Variants in PARD3 observed in about 807,000 individuals in gnomAD.
The protein encoded by PARD3 is partitioning defective 3 homolog.
Under a neutral mutation model 155.4 loss-of-function variants are expected in PARD3, and 75 were observed. The observed-to-expected ratio is 0.48, with a 90% CI of 0.40 to 0.58. The LOEUF is 0.58. PARD3 is among the 20% of genes least tolerant of loss of function. PARD3 has a pLI of 0.00. For synonymous variants in PARD3, 576 were observed against 610.5 expected (o/e 0.94, Z 0.83); for missense variants, 1,642 against 1,721.7 (o/e 0.95, Z 0.82).
At chr10:34,562,163 G>C (rs1365323951) in intron 2 of PARD3, among the ~76,000 whole-genome samples, 4 of 148,142 alleles carry the variant, frequency 2.7e-5, no homozygotes, top group East Asian at 4.0e-4. Context: ...GGCTTGTTGG[G>C]GGGTGGCTCA....
Position 34,519,820 on chromosome 10 carries a change from A to AATAACATAACATAACATAAC in PARD3, c.223-2681_223-2662dup, listed in dbSNP as rs59584708. On this transcript the variant is annotated intron_variant, in intron 2 of 24. Coordinates refer to ENST00000374788, the MANE Select transcript of PARD3 (RefSeq NM_001184785.2). ...CAGAGCGAGACTCCATCTCAAAATA[A>AATAACATAACATAACATAAC]ATAACATAACATAACATAACATAAC... 3.5e-3 allele frequency among the ~76,000 whole-genome samples: 471 copies of AATAACATAACATAACATAAC among 133,960 alleles called. 2 individuals are homozygous for AATAACATAACATAACATAAC. The highest frequency in any genetic ancestry group is 8.0e-3 in the South Asian group (29 of 3,622). 87.9% of individuals were successfully genotyped at this position (133,960 alleles called of 152,430 possible).
chr10:34,509,938 T>C (rs1658472747), intron 3 of PARD3, among the ~76,000 whole-genome samples: 1 of 152,176 alleles, frequency 6.6e-6, no homozygotes, highest in Non-Finnish European at 1.5e-5. Flanking sequence ...ACAAACACTT[T>C]TGCCACTCAA....
At chr10:34,734,981 T>C (rs1427306373) in intron 1 of PARD3, among the ~76,000 whole-genome samples, 2 of 108,390 alleles carry the variant, frequency 1.8e-5, no homozygotes, top group Non-Finnish European at 4.4e-5. Flanking sequence ...TACAAAGGGC[T>C]TATGGGAAAA....
At position 34,518,535 on chromosome 10, in the gene PARD3, G is replaced by T. The variant is rs184763928; in HGVS notation, c.223-1376C>A. Among the ~76,000 whole-genome samples, 460 of 152,300 alleles carry T rather than the reference G, an allele frequency of 3.0e-3. 6 individuals carry two copies. The highest frequency in any genetic ancestry group is 0.024 in the Middle Eastern group (7 of 294). On this transcript the variant is annotated intron_variant, in intron 2 of 24. Transcript: ENST00000374788. ...TGTCAACCTGAAGGGGCTCCCAATG[G>T]ACAAAGCGGAGACAACTTACAAACT...
intron 1 of PARD3, among the ~76,000 whole-genome samples, chr10:34,745,896 C>T (rs1835254582): frequency 1.3e-5 from 2 of 152,200 alleles, no homozygotes; most frequent in African/African-American, 4.8e-5. Context: ...GTCAGGAGAT[C>T]GAGACCATCC....
chr10:34,373,771 CA>C (rs1258664645), intron 11 of PARD3, among the ~76,000 whole-genome samples: 2 of 151,944 alleles, frequency 1.3e-5, no homozygotes, highest in Admixed American at 1.3e-4. Flanking sequence ...ACAAAATCCA[CA>C]TTAAGTTTTA....
intron 22 of PARD3, among the ~76,000 whole-genome samples, chr10:34,244,548 G>T (rs141973429): frequency 1.3e-5 from 2 of 151,988 alleles, no homozygotes; most frequent in East Asian, 1.9e-4. Context: ...AAAATGCAAC[G>T]TTATCAATTC....
chr10:34,798,722 A>C (rs1381637015), intron 1 of PARD3, among the ~76,000 whole-genome samples: 51 of 135,304 alleles, frequency 3.8e-4, no homozygotes, highest in Non-Finnish European at 5.9e-4. Flanking sequence ...AAAAAAAAAA[A>C]CCCACACATA....
chr10:34,537,728 A>G (rs2133854799), intron 2 of PARD3, among the ~76,000 whole-genome samples: 1 of 152,342 alleles, frequency 6.6e-6, no homozygotes, highest in Admixed American at 6.5e-5. Context: ...TAGACATCTA[A>G]AATCAGTTAT....
intron 14 of PARD3, among the ~76,000 whole-genome samples, chr10:34,354,581 A>C (rs1838574072): frequency 6.6e-6 from 1 of 152,160 alleles, no homozygotes; most frequent in Admixed American, 6.5e-5. Context: ...GGTGAAGGGG[A>C]GTACACGGGG....
chr10:34,535,408 G>A (rs147755880), intron 2 of PARD3, among the ~76,000 whole-genome samples: 4 of 152,288 alleles, frequency 2.6e-5, no homozygotes, highest in South Asian at 2.1e-4. Context: ...GCAATGAGAC[G>A]AGAGTATTTC....
intron 19 of PARD3, among the ~76,000 whole-genome samples, chr10:34,317,953 T>C (rs1197557100): frequency 6.6e-6 from 1 of 152,184 alleles, no homozygotes; most frequent in Non-Finnish European, 1.5e-5. Flanking sequence ...CAGAAGTAAA[T>C]GCTACTATAT....
chr10:34,306,356 T>A (rs937447320), intron 20 of PARD3, among the ~76,000 whole-genome samples: 5 of 151,252 alleles, frequency 3.3e-5, no homozygotes, highest in Non-Finnish European at 5.9e-5. Context: ...TAAAAGAACT[T>A]CAATAATAAA....
At chr10:34,419,066 G>A (rs2132398652) in intron 5 of PARD3, among the ~76,000 whole-genome samples, 1 of 152,136 alleles carries the variant, frequency 6.6e-6, no homozygotes, top group Admixed American at 6.5e-5. Context: ...AGGAACCACT[G>A]CACCTAGCCT....
At chr10:34,134,952 C>G (rs1336292257) in intron 22 of PARD3, among the ~76,000 whole-genome samples, 1 of 152,166 alleles carries the variant, frequency 6.6e-6, no homozygotes, top group Non-Finnish European at 1.5e-5. Context: ...GCCAAGAAAG[C>G]TAAAGGAAAT....
intron 2 of PARD3, among the ~76,000 whole-genome samples, chr10:34,628,123 C>T (rs2092075877): frequency 6.6e-6 from 1 of 152,230 alleles, no homozygotes; most frequent in South Asian, 2.1e-4. Context: ...CGTGGGAATA[C>T]TTTCCAAACT....
At chr10:34,522,646 T>C (rs1284129758) in intron 2 of PARD3, among the ~76,000 whole-genome samples, 1 of 152,094 alleles carries the variant, frequency 6.6e-6, no homozygotes, top group Admixed American at 6.5e-5. Context: ...ACAGGAATAG[T>C]AATGGGAAAA....
At chr10:34,763,922 A>G (rs888556728) in intron 1 of PARD3, among the ~76,000 whole-genome samples, 2 of 152,236 alleles carry the variant, frequency 1.3e-5, no homozygotes, top group Non-Finnish European at 2.9e-5. Context: ...CCTCCCAGCC[A>G]TATACTAATA....
At chr10:34,722,167 TTG>T (rs2094618615) in intron 1 of PARD3, among the ~76,000 whole-genome samples, 2 of 152,144 alleles carry the variant, frequency 1.3e-5, no homozygotes, top group African/African-American at 2.4e-5. Context: ...CACTCCAGCC[TTG>T]TGATAAAGTG....
Sources: gnomAD v4.1 joint callset for allele counts (sites outside exome capture counted in the v4.1 genomes callset) on GRCh38, gnomAD v4.1.1 for gene constraint, MANE v1.5 for transcripts, NCBI Gene and HGNC (gene_info 2026-07-23, HGNC 2026-07-21) for gene names.